The following CWC22 variants were observed in gnomAD, a reference collection of about 807,000 sequenced individuals.
CWC22 encodes the protein pre-mRNA-splicing factor CWC22 homolog.
In CWC22, 53 loss-of-function variants were observed where a neutral mutation model predicts 117.2. The ratio of observed to expected loss-of-function variants is 0.45; its 90% confidence interval spans 0.36 to 0.57. The LOEUF is 0.57. Among genes scored for constraint, CWC22 ranks in the 20% least tolerant of loss-of-function variants. CWC22 has a pLI of 0.00. For missense variants in CWC22, 980 were observed against 1,068.8 expected (o/e 0.92, Z 1.16); for synonymous variants, 360 against 355.6 (o/e 1.01, Z -0.14).
At chr2:179,990,614 G>A (rs1288641382) in intron 2 of CWC22, among the ~76,000 whole-genome samples, 1 of 151,794 alleles carries the variant, frequency 6.6e-6, no homozygotes, top group South Asian at 2.1e-4. Flanking sequence ...GGAGAGAGGA[G>A]AAGACAGAGG....
chr2:179,964,360 A>G (rs575891245), intron 13 of CWC22, among the ~76,000 whole-genome samples, 187 bp downstream of exon 13: 1 of 152,342 alleles, frequency 6.6e-6, no homozygotes, highest in South Asian at 2.1e-4. Flanking sequence ...AGTAAAAACA[A>G]TTTGCCTATA....
At chr2:179,958,353 A>G (rs946439198) in intron 14 of CWC22, among the ~76,000 whole-genome samples, 2 of 149,324 alleles carry the variant, frequency 1.3e-5, no homozygotes, top group African/African-American at 4.9e-5. Flanking sequence ...AAAAAAAAGA[A>G]TGAAGAAAAT....
chr2:179,981,999 T>C lies in CWC22; in HGVS notation c.207-2A>G. ...CTGCGTTTTTCTCGGTCCCTGTTTC[T>C]GTAATATAAATTTTTTGAAGAGCAG... is the stretch of plus-strand genomic sequence containing the variant. On this transcript the variant is annotated splice_acceptor_variant, in intron 4 of 19. Coordinates refer to ENST00000410053, the MANE Select transcript of CWC22 (RefSeq NM_020943.3). LOFTEE classifies it high-confidence loss of function. 6.7e-7 allele frequency: 1 copy of C among 1,496,356 alleles called. No homozygotes were observed. Among genetic ancestry groups the C allele is most frequent in the Non-Finnish European group, 9.1e-7 (1 of 1,102,372 alleles). 92.7% of individuals were successfully genotyped at this position (1,496,356 alleles called of 1,614,324 possible). A position where few individuals can be genotyped will look rare whatever the true frequency, so the allele number is the denominator to read the frequency against.
chr2:179,963,428 C>T (rs1488819191), intron 13 of CWC22, among the ~76,000 whole-genome samples: 1 of 144,474 alleles, frequency 6.9e-6, no homozygotes, highest in Non-Finnish European at 1.5e-5. Context: ...CTGCAAGCTC[C>T]GCCTCCCAGG....
At chr2:179,954,497 G>A in intron 15 of CWC22, 140 bp from the exon 16 acceptor site, 1 of 557,844 alleles carries the variant, frequency 1.8e-6, no homozygotes, top group Non-Finnish European at 3.1e-6. Flanking sequence ...ATCCTTTTGT[G>A]CCATATGATG....
intron 14 of CWC22, among the ~76,000 whole-genome samples, chr2:179,958,783 T>C (rs1686671773): frequency 6.6e-6 from 1 of 152,120 alleles, no homozygotes; most frequent in South Asian, 2.1e-4. Context: ...AAGTGCAGTG[T>C]TTCAGAGACT....
chr2:179,962,462 T>C (rs1457971955), intron 13 of CWC22, among the ~76,000 whole-genome samples: 1 of 152,146 alleles, frequency 6.6e-6, no homozygotes, highest in Non-Finnish European at 1.5e-5. Context: ...AATCTGCCTA[T>C]TTTTACAGTT....
chr2:179,984,226 A>G (rs1687357830), intron 4 of CWC22, among the ~76,000 whole-genome samples: 1 of 152,146 alleles, frequency 6.6e-6, no homozygotes, highest in Non-Finnish European at 1.5e-5. Context: ...AGATGTTTAA[A>G]TGCAACCTCA....
At chr2:179,965,189 A>G (rs542673697) in intron 12 of CWC22, among the ~76,000 whole-genome samples, 1 of 152,246 alleles carries the variant, frequency 6.6e-6, no homozygotes, top group African/African-American at 2.4e-5. Context: ...GAAAAAATTA[A>G]ATCTATTTTT....
chr2:179,987,844 G>A (rs1198310012), intron 3 of CWC22, among the ~76,000 whole-genome samples: 2 of 151,978 alleles, frequency 1.3e-5, no homozygotes, highest in African/African-American at 2.4e-5. Context: ...TTTTTGGATC[G>A]CTGACCTTAA....
chr2:179,986,369 C>T (rs1478404585), intron 4 of CWC22, among the ~76,000 whole-genome samples: 1 of 152,156 alleles, frequency 6.6e-6, no homozygotes, highest in African/African-American at 2.4e-5. Context: ...AAACCAACCC[C>T]TCTTGCGGTA....
intron 14 of CWC22, among the ~76,000 whole-genome samples, chr2:179,957,842 G>GA (rs10715734): frequency 5.2e-4 from 78 of 148,738 alleles, no homozygotes; most frequent in Middle Eastern, 3.5e-3. Flanking sequence ...ATATACATTA[G>GA]AAAAAAAAAA....
At chr2:179,979,853 T>C (rs186852605) in intron 5 of CWC22, among the ~76,000 whole-genome samples, 66 of 152,302 alleles carry the variant, frequency 4.3e-4, no homozygotes, top group African/African-American at 1.5e-3. Context: ...CTTATTAAAC[T>C]AATCAAACGG....
intron 13 of CWC22, among the ~76,000 whole-genome samples, chr2:179,961,123 T>A (rs1686737897): frequency 6.6e-6 from 1 of 151,938 alleles, no homozygotes; most frequent in African/African-American, 2.4e-5. Flanking sequence ...AAATATAAAA[T>A]AACTTGCAAG....
intron 16 of CWC22, 90 bp downstream of exon 16, chr2:179,954,115 A>G: frequency 3.3e-6 from 3 of 912,018 alleles, no homozygotes; most frequent in Non-Finnish European, 4.9e-6. Context: ...AGCACATTTC[A>G]TAATAGGATA....
intron 6 of CWC22, among the ~76,000 whole-genome samples, chr2:179,975,342 G>A (rs543882188): frequency 2.6e-5 from 4 of 152,052 alleles, no homozygotes; most frequent in African/African-American, 4.8e-5. Flanking sequence ...TATACTCAAC[G>A]GTGACAAGCT....
intron 4 of CWC22, among the ~76,000 whole-genome samples, chr2:179,986,152 T>G (rs1228359147): frequency 6.6e-6 from 1 of 152,234 alleles, no homozygotes; most frequent in East Asian, 1.9e-4. Flanking sequence ...CAAGGAAATA[T>G]TGCAAGTCTT....
At chr2:179,995,369 A>T (rs763956222) in intron 1 of CWC22, among the ~76,000 whole-genome samples, 17 of 152,172 alleles carry the variant, frequency 1.1e-4, no homozygotes, top group Non-Finnish European at 1.9e-4. Flanking sequence ...CCTCTACCTT[A>T]AACAGTCTAT....
intron 14 of CWC22, among the ~76,000 whole-genome samples, chr2:179,956,981 C>T (rs1413513943): frequency 1.3e-5 from 2 of 152,124 alleles, no homozygotes; most frequent in African/African-American, 2.4e-5. Context: ...TTAATTATTA[C>T]AGCAATTTTA....
Sources: gnomAD v4.1 joint callset for allele counts (sites outside exome capture counted in the v4.1 genomes callset) on GRCh38, gnomAD v4.1.1 for gene constraint, MANE v1.5 for transcripts, NCBI Gene and HGNC (gene_info 2026-07-23, HGNC 2026-07-21) for gene names.